Variants in ANKRD22 observed in about 807,000 individuals in gnomAD.
The protein encoded by ANKRD22 is ankyrin repeat domain-containing protein 22.
ANKRD22 carries 24 observed loss-of-function variants against 25.7 expected under a neutral mutation model. That is an observed-to-expected ratio of 0.93 (90% CI 0.68 to 1.31). ANKRD22 has a LOEUF of 1.31. Among genes scored for constraint, ANKRD22 ranks in the 50% most tolerant of loss-of-function variants. The pLI, the probability that ANKRD22 is intolerant of heterozygous loss-of-function variation, is 0.00. For missense variants in ANKRD22, 214 were observed against 227.1 expected, an observed-to-expected ratio of 0.94 and a Z score of 0.37; for synonymous variants, 84 against 84.3, an observed-to-expected ratio of 1.00 and a Z score of 0.02.
Position 88,831,925 on chromosome 10 carries a change from G to A in ANKRD22, c.123C>T (p.Asp41=). Residue 41 remains aspartate (D), a synonymous_variant, in exon 2 of 6, where the codon GAC becomes GAT. Transcript: ENST00000371930. ...GCCTGCAAGCACAGATCAGGGGCGT[G>A]TCTCCATTAAAGCCATCTTGAACGT... is the stretch of plus-strand genomic sequence containing the variant. ...YANVQDGFNG[D]TPLICACRRG... 1 of 1,613,962 alleles carries A rather than the reference G, an allele frequency of 6.2e-7. No individual in the cohort carries two copies.
chr10:88,826,133 T>G lies in ANKRD22; in HGVS notation c.322-18A>C. The G allele has an allele frequency of 6.3e-7, 1 of 1,576,790 alleles. No individual in the cohort carries two copies. Among genetic ancestry groups the G allele is most frequent in the Non-Finnish European group, 8.7e-7 (1 of 1,151,830 alleles). On this transcript the variant is annotated intron_variant, in intron 3 of 5. Coordinates refer to ENST00000371930, the MANE Select transcript of ANKRD22 (RefSeq NM_144590.3). ...TTTGATACCTATTACAAATGGTAAT[T>G]ATAAGAAAGGCTTATTTACAAATAG...
At position 88,822,906 on chromosome 10, in the gene ANKRD22, C is replaced by T; in HGVS notation, c.*35G>A. 6.6e-7 allele frequency: 1 copy of T among 1,526,050 alleles called. No individual in the cohort carries two copies. Among genetic ancestry groups the T allele is most frequent in the South Asian group, 1.1e-5 (1 of 88,412 alleles). The allele number at this position is 1,526,050 out of a possible 1,614,324, so 94.5% of individuals were successfully genotyped here. ...AATGAAGATAGAATCCAGTCGTTAA[C>T]TTTTTCTGTATCTCCATCGGTGTGG... is the stretch of plus-strand genomic sequence containing the variant. On this transcript the variant is annotated 3_prime_UTR_variant, in exon 6 of 6. Coordinates refer to ENST00000371930, the MANE Select transcript of ANKRD22 (RefSeq NM_144590.3).
At chr10:88,844,264 G>A (rs897847099) in intron 1 of ANKRD22, among the ~76,000 whole-genome samples, 14 of 151,890 alleles carry the variant, frequency 9.2e-5, no homozygotes, top group African/African-American at 2.4e-4. Context: ...GGGGAGTGGC[G>A]GGAAATTTGG....
chr10:88,834,416 T>C (rs1223296884), intron 1 of ANKRD22, among the ~76,000 whole-genome samples: 1 of 152,224 alleles, frequency 6.6e-6, no homozygotes, highest in Non-Finnish European at 1.5e-5. Context: ...TTTATTGTCC[T>C]TTTAAAAGAT....
chr10:88,823,083 C>T (rs1843816188), intron 5 of ANKRD22, 65 bp from the exon 6 acceptor site: 3 of 1,486,512 alleles, frequency 2.0e-6, no homozygotes, highest in African/African-American at 2.8e-5. Context: ...GTAGCTTAGA[C>T]CAATTGACTC....
intron 1 of ANKRD22, among the ~76,000 whole-genome samples, chr10:88,835,178 G>A (rs1843942385): frequency 6.6e-6 from 1 of 152,158 alleles, no homozygotes; most frequent in African/African-American, 2.4e-5. Context: ...AAAAGAAGAA[G>A]AGGAAAAGAT....
intron 3 of ANKRD22, among the ~76,000 whole-genome samples, chr10:88,827,979 T>C (rs1043441632): frequency 6.6e-6 from 1 of 152,366 alleles, no homozygotes; most frequent in South Asian, 2.1e-4. Flanking sequence ...CTTCTACTCC[T>C]CATATGACTG....
intron 1 of ANKRD22, among the ~76,000 whole-genome samples, chr10:88,848,399 T>A (rs996106364): frequency 2.0e-5 from 3 of 152,084 alleles, no homozygotes; most frequent in Non-Finnish European, 4.4e-5. Context: ...AGCACAACAT[T>A]TTAATTTGTA....
chr10:88,822,931 G>A lies in ANKRD22; in HGVS notation c.*10C>T, dbSNP rs768689940. ...CTTTTTCTGTATCTCCATCGGTGTG[G>A]TCACAAGGATTACAATGCTTTCCTT... On this transcript the variant is annotated 3_prime_UTR_variant, in exon 6 of 6. Transcript: ENST00000371930. 30 of 1,602,598 alleles carry A rather than the reference G, an allele frequency of 1.9e-5. No individual in the cohort carries two copies. In the South Asian group the frequency reaches 3.0e-4, roughly 16 times the overall value.
intron 1 of ANKRD22, among the ~76,000 whole-genome samples, chr10:88,837,210 C>T (rs971563563): frequency 6.6e-6 from 1 of 152,190 alleles, no homozygotes; most frequent in Non-Finnish European, 1.5e-5. Flanking sequence ...GACAAGTTAC[C>T]TAGACTCTTC....
chr10:88,831,751 A>T, intron 2 of ANKRD22, 84 bp downstream of exon 2: 1 of 1,378,132 alleles, frequency 7.3e-7, no homozygotes, highest in Non-Finnish European at 9.7e-7. Flanking sequence ...GCAATTTAAA[A>T]AATGACATGC....
At chr10:88,851,373 A>C (rs1844103112) in intron 1 of ANKRD22, among the ~76,000 whole-genome samples, 2 of 152,206 alleles carry the variant, frequency 1.3e-5, no homozygotes, top group Admixed American at 6.5e-5. Context: ...ACTTAGATCT[A>C]GCTAATATTT....
intron 3 of ANKRD22, among the ~76,000 whole-genome samples, chr10:88,826,606 G>A (rs1843858490): frequency 6.6e-6 from 1 of 152,140 alleles, no homozygotes; most frequent in Admixed American, 6.5e-5. Context: ...CATTCTCAGA[G>A]AATCATTGCA....
At chr10:88,838,242 T>G (rs1011301892) in intron 1 of ANKRD22, among the ~76,000 whole-genome samples, 1 of 152,146 alleles carries the variant, frequency 6.6e-6, no homozygotes, top group African/African-American at 2.4e-5. Context: ...GAGTTTGTGA[T>G]TTTCTTCAGC....
chr10:88,830,117 A>G (rs1843890618), intron 2 of ANKRD22, among the ~76,000 whole-genome samples: 1 of 152,316 alleles, frequency 6.6e-6, no homozygotes, highest in African/African-American at 2.4e-5. Context: ...TTTCATTTTT[A>G]TAAATAATAT....
intron 3 of ANKRD22, among the ~76,000 whole-genome samples, chr10:88,827,019 C>G (rs1460868122): frequency 1.3e-5 from 2 of 152,208 alleles, no homozygotes; most frequent in South Asian, 2.1e-4. Flanking sequence ...CCTTCCCAGT[C>G]TCCTGAGCTT....
Position 88,840,105 on chromosome 10 carries a change from G to C in ANKRD22, c.22-8079C>G, listed in dbSNP as rs534336205. Among the ~76,000 whole-genome samples the C allele has an allele frequency of 2.6e-5, 4 of 152,218 alleles. No individual in the cohort carries two copies. The South Asian group carries it at 8.3e-4, about 32-fold the overall frequency. ...GAGCATTCAAAACTCTGGAATAATG[G>C]AACATTAGGAAAAATTTTTTGTGTC... On this transcript the variant is annotated intron_variant, in intron 1 of 5. Coordinates refer to ENST00000371930, the MANE Select transcript of ANKRD22 (RefSeq NM_144590.3).
At chr10:88,846,622 CATG>C (rs1447509257) in intron 1 of ANKRD22, among the ~76,000 whole-genome samples, 1 of 152,130 alleles carries the variant, frequency 6.6e-6, no homozygotes, top group Non-Finnish European at 1.5e-5. Flanking sequence ...CTTTTGTTAG[CATG>C]ATAATGGACT....
intron 1 of ANKRD22, among the ~76,000 whole-genome samples, chr10:88,844,316 G>A (rs980628372): frequency 3.3e-5 from 5 of 152,102 alleles, no homozygotes; most frequent in African/African-American, 1.2e-4. Context: ...CGTAGACCAT[G>A]GTTAGGACTT....
Sources: allele counts gnomAD v4.1 joint callset (sites outside exome capture counted in the v4.1 genomes callset), GRCh38; gene constraint gnomAD v4.1.1; transcripts MANE v1.5; gene names NCBI Gene and HGNC (gene_info 2026-07-23, HGNC 2026-07-21).